NTMT2: variants seen among roughly 807,000 people sequenced by gnomAD.
NTMT2 encodes X-Pro-Lys N-terminal protein methyltransferase 1B.
Under a neutral mutation model 23.4 loss-of-function variants are expected in NTMT2, and 21 were observed. The ratio of observed to expected loss-of-function variants is 0.90; its 90% CI spans 0.64 to 1.29. NTMT2 has a LOEUF of 1.29. NTMT2 is among the 50% of genes most tolerant of loss of function. The probability of loss-of-function intolerance (pLI) is 0.00; values close to 1 mark genes in which losing one functional copy is unlikely to be tolerated. For synonymous variants in NTMT2, 131 were observed against 127.7 expected (o/e 1.03, Z -0.17); for missense variants, 336 against 352.0 (o/e 0.95, Z 0.36).
chr1:170,154,818 GCCA>G (rs1673134598), intron 1 of NTMT2, among the ~76,000 whole-genome samples: 2 of 152,186 alleles, frequency 1.3e-5, no homozygotes, highest in Admixed American at 1.3e-4. Flanking sequence ...GATTTGGAGG[GCCA>G]GGGCAGAATC....
rs1571829464 is a variant in NTMT2 at position 170,167,560 on chromosome 1, A to T, written c.655A>T (p.Ile219Leu). ...RDGLKENGII[I>L]LKDNVAREGC... ...TGGCCTGAAAGAAAATGGCATCATC[A>T]TATTGAAGGACAATGTGGCCCGGGA... The change falls in exon 4 of 4, where the codon ATA (isoleucine) becomes TTA (leucine). Residue 219 changes from isoleucine to leucine, a missense_variant. Physicochemically the swap from Ile to Leu is conservative, Grantham distance 5. Transcript: ENST00000439373. 6.4e-7 allele frequency: 1 copy of T among 1,551,648 alleles called. No individual in the cohort carries two copies.
At chr1:170,161,817 G>C (rs1182439189) in intron 2 of NTMT2, 6 of 152,336 alleles carry the variant, frequency 3.9e-5, no homozygotes, top group Admixed American at 2.0e-4. Context: ...GAAAGGCTGG[G>C]TATGGTGGCT....
intron 1 of NTMT2, among the ~76,000 whole-genome samples, chr1:170,155,189 C>G (rs1338017779): frequency 1.3e-5 from 2 of 152,148 alleles, no homozygotes; most frequent in African/African-American, 2.4e-5. Flanking sequence ...ATTACTCAGT[C>G]TCAGGTGTTT....
At chr1:170,154,591 T>C (rs916577739) in intron 1 of NTMT2, among the ~76,000 whole-genome samples, 1 of 152,230 alleles carries the variant, frequency 6.6e-6, no homozygotes, top group Non-Finnish European at 1.5e-5. Flanking sequence ...TTGGCCTATT[T>C]CTCCCTTTTG....
chr1:170,164,843 T>A (rs1476613232), intron 2 of NTMT2, among the ~76,000 whole-genome samples: 1 of 152,218 alleles, frequency 6.6e-6, no homozygotes, highest in Non-Finnish European at 1.5e-5. Context: ...AGGATAATAA[T>A]CTATATTGTG....
intron 2 of NTMT2, among the ~76,000 whole-genome samples, chr1:170,165,669 A>G (rs890479496): frequency 2.6e-5 from 4 of 152,230 alleles, no homozygotes; most frequent in African/African-American, 7.2e-5. Flanking sequence ...TTTCCATTGA[A>G]TGAATCTTTA....
chr1:170,166,392 C>T (rs1186526783), intron 2 of NTMT2, 110 bp from the exon 3 acceptor site: 19 of 1,161,108 alleles, frequency 1.6e-5, no homozygotes, highest in African/African-American at 4.6e-5. Flanking sequence ...CCGCCCGCCT[C>T]GGCCTCCCAA....
rs1181214424 is a variant in NTMT2, at chr1:170,160,675, T to C, written c.312T>C (p.Phe104=). ...CAGACATCCAGGCCTCTCAGAAATT[T>C]CTTAGGAAATTTGTTGGGGTGAGTT... ...SSPDIQASQK[F]LRKFVGGPGR... is the part of the protein sequence containing the mutation. Residue 104 remains phenylalanine (F), a synonymous_variant, in exon 2 of 4, where the codon TTT becomes TTC. Coordinates refer to ENST00000439373, the MANE Select transcript of NTMT2 (RefSeq NM_001136107.2). The C allele has an allele frequency of 3.3e-6, 5 of 1,526,412 alleles. No individual in the cohort carries two copies. The highest frequency in any genetic ancestry group is 2.8e-5 in the African/African-American group (2 of 71,476). 94.6% of individuals were successfully genotyped at this position (1,526,412 alleles called of 1,614,324 possible).
rs1673429636 is a variant in NTMT2, at chr1:170,167,908, G to A, written c.*151G>A. 1.2e-6 allele frequency: 1 copy of A among 801,172 alleles called. No individual in the cohort carries two copies. Among genetic ancestry groups the A allele is most frequent in the Admixed American group, 3.1e-5 (1 of 32,598 alleles). The allele number at this position is 801,172 out of a possible 1,614,324, so 49.6% of individuals were successfully genotyped here. A position where few individuals can be genotyped will look rare whatever the true frequency, so the allele number is the denominator to read the frequency against. On this transcript the variant is annotated 3_prime_UTR_variant, in exon 4 of 4. Transcript: ENST00000439373. ...ATTATTTGTGATATAATATGTACAT[G>A]TTTTCAGTGATTATATAATGCACAC...
At chr1:170,150,253 A>T (rs997076590) in intron 1 of NTMT2, among the ~76,000 whole-genome samples, 1 of 152,322 alleles carries the variant, frequency 6.6e-6, no homozygotes, top group Non-Finnish European at 1.5e-5. Context: ...ATTTGCTGAA[A>T]CATCCCTGGC....
At chr1:170,161,060 T>C (rs1673265310) in intron 2 of NTMT2, among the ~76,000 whole-genome samples, 1 of 152,188 alleles carries the variant, frequency 6.6e-6, no homozygotes, top group African/African-American at 2.4e-5. Flanking sequence ...TTTTGGGATC[T>C]TGGGTTGACT....
At chr1:170,164,046 C>T (rs1009489594) in intron 2 of NTMT2, among the ~76,000 whole-genome samples, 4 of 149,490 alleles carry the variant, frequency 2.7e-5, no homozygotes, top group South Asian at 4.2e-4. Flanking sequence ...CACTTGAACC[C>T]GGGAGGTGGA....
At chr1:170,160,428 C>A in intron 1 of NTMT2, 90 bp from the exon 2 acceptor site, 3 of 1,198,240 alleles carry the variant, frequency 2.5e-6, no homozygotes, top group South Asian at 4.0e-5. Context: ...AGCACAGATT[C>A]ACAGGCTTTT....
intron 3 of NTMT2, 115 bp from the exon 4 acceptor site, chr1:170,167,371 A>T: frequency 1.0e-6 from 1 of 961,638 alleles, no homozygotes; most frequent in Non-Finnish European, 1.5e-6. Flanking sequence ...AGGCTATTAA[A>T]TCATGAATGA....
chr1:170,159,701 A>T (rs1673234597), intron 1 of NTMT2, among the ~76,000 whole-genome samples: 1 of 152,092 alleles, frequency 6.6e-6, no homozygotes, highest in African/African-American at 2.4e-5. Context: ...TCAGCCTACA[A>T]TCTTGAACCA....
chr1:170,146,872 T>C (rs1672973959), intron 1 of NTMT2, among the ~76,000 whole-genome samples: 1 of 152,184 alleles, frequency 6.6e-6, no homozygotes, highest in Non-Finnish European at 1.5e-5. Flanking sequence ...AATTGGACAA[T>C]AGAGCAATAA....
chr1:170,147,956 G>A (rs1398610310), intron 1 of NTMT2, among the ~76,000 whole-genome samples: 5 of 151,878 alleles, frequency 3.3e-5, no homozygotes, highest in Non-Finnish European at 7.4e-5. Flanking sequence ...ATATGCTAAT[G>A]TTTTACCAAT....
At chr1:170,156,038 A>G (rs1673157121) in intron 1 of NTMT2, among the ~76,000 whole-genome samples, 1 of 152,114 alleles carries the variant, frequency 6.6e-6, no homozygotes, top group Admixed American at 6.6e-5. Context: ...CCTGCAAAAG[A>G]GTTTCTCAAG....
At chr1:170,159,395 T>G (rs1673223441) in intron 1 of NTMT2, among the ~76,000 whole-genome samples, 1 of 150,596 alleles carries the variant, frequency 6.6e-6, no homozygotes, top group Admixed American at 6.6e-5. Context: ...GGTTGTTCTC[T>G]GGACAGAGTT....
Sources: gnomAD v4.1 joint callset for allele counts (sites outside exome capture counted in the v4.1 genomes callset) on GRCh38, gnomAD v4.1.1 for gene constraint, MANE v1.5 for transcripts, NCBI Gene and HGNC (gene_info 2026-07-23, HGNC 2026-07-21) for gene names.